The following HIF3A variants were observed in gnomAD, a reference collection of about 807,000 sequenced individuals.
HIF3A encodes hypoxia inducible factor 3 subunit alpha.
HIF3A carries 41 observed loss-of-function variants against 67.2 expected under a neutral mutation model. The observed-to-expected ratio is 0.61, with a 90% CI of 0.48 to 0.79. The LOEUF is 0.79. Among genes scored for constraint, HIF3A ranks in the 30% least tolerant of loss-of-function variants. HIF3A has a pLI of 0.00. For missense variants in HIF3A, 855 were observed against 898.0 expected (o/e 0.95, Z 0.61); for synonymous variants, 356 against 374.8 (o/e 0.95, Z 0.58).
chr19:46,319,985 T>A (rs548854843), intron 8 of HIF3A, among the ~76,000 whole-genome samples: 1 of 152,294 alleles, frequency 6.6e-6, no homozygotes, highest in Non-Finnish European at 1.5e-5. Context: ...ATCATAGCAC[T>A]TTGGGAGGCT....
Position 46,340,093 on chromosome 19 carries a change from A to C in HIF3A, c.*471A>C, listed in dbSNP as rs2147339893. On this transcript the variant is annotated 3_prime_UTR_variant, in exon 15 of 15. Transcript: ENST00000377670. Reference sequence around the variant, plus strand: ...TTGTCAATTTCATGATATGGTTTTTAATCATGATGAATTGCCTGGGGTCTG... The same window carrying C: ...TTGTCAATTTCATGATATGGTTTTTCATCATGATGAATTGCCTGGGGTCTG... 1 of 152,904 alleles carries C rather than the reference A, an allele frequency of 6.5e-6. No individual in the cohort carries two copies. The highest frequency in any genetic ancestry group is 2.1e-4 in the South Asian group (1 of 4,836). 9.5% of individuals were successfully genotyped at this position (152,904 alleles called of 1,614,324 possible).
chr19:46,334,936 G>A lies in HIF3A; in HGVS notation c.1862G>A (p.Gly621Glu). Residue 621 changes from glycine to glutamate, a missense_variant, in exon 14 of 15, where the codon GGG becomes GAG. By Grantham distance (98) the Gly-to-Glu change is moderately conservative. This residue lies in a region of HIF3A where 199 missense variants were observed against 193.8 expected (regional missense o/e 1.03). Transcript: ENST00000377670. The part of the protein sequence containing the change: ...SFLLTGGPAP[G>E]SLQDPSTPLL... ...CTTCTGACAGGAGGACCAGCCCCAG[G>A]GAGCCTGCAGGACCCCAGCACCCCA... 1.2e-6 allele frequency: 2 copies of A among 1,609,420 alleles called. No homozygotes were observed. Among genetic ancestry groups the A allele is most frequent in the Non-Finnish European group, 1.7e-6 (2 of 1,177,976 alleles).
intron 2 of HIF3A, 65 bp downstream of exon 2, chr19:46,304,153 C>T: frequency 7.1e-7 from 1 of 1,410,802 alleles, no homozygotes; most frequent in Non-Finnish European, 9.6e-7. Flanking sequence ...AACTACATCC[C>T]AGGGAGGCCC....
At chr19:46,322,274 T>C (rs1970428787) in intron 10 of HIF3A, among the ~76,000 whole-genome samples, 1 of 152,046 alleles carries the variant, frequency 6.6e-6, no homozygotes, top group African/African-American at 2.4e-5. Context: ...GGGCAGTTTT[T>C]CCCACACACC....
At chr19:46,325,502 A>G (rs1310014242) in intron 10 of HIF3A, 33 bp from the exon 11 acceptor site, 3 of 1,506,600 alleles carry the variant, frequency 2.0e-6, no homozygotes, top group African/African-American at 2.8e-5. Flanking sequence ...CAGGCTCAAG[A>G]TTTCCTGAAG....
intron 12 of HIF3A, among the ~76,000 whole-genome samples, chr19:46,330,677 AGATG>A (rs1971143501): frequency 6.7e-6 from 1 of 149,086 alleles, no homozygotes; most frequent in African/African-American, 2.5e-5. Flanking sequence ...GATGGATGGC[AGATG>A]GATGGATGGA....
chr19:46,339,675 C>A lies in HIF3A; in HGVS notation c.*53C>A. 1 of 1,336,380 alleles carries A rather than the reference C, an allele frequency of 7.5e-7. No homozygotes were observed. The highest frequency in any genetic ancestry group is 1.0e-6 in the Non-Finnish European group (1 of 963,302). The allele number at this position is 1,336,380 out of a possible 1,614,324, so 82.8% of individuals were successfully genotyped here. On this transcript the variant is annotated 3_prime_UTR_variant, in exon 15 of 15. Transcript: ENST00000377670. ...CCTCCCCCAGAAAGGACCTCAACCA[C>A]ACTCCACGCCGGCAGCCAACGCACA... is the stretch of plus-strand genomic sequence containing the variant.
intron 8 of HIF3A, among the ~76,000 whole-genome samples, chr19:46,314,925 G>A (rs1316326244): frequency 1.4e-5 from 2 of 146,836 alleles, no homozygotes; most frequent in Admixed American, 7.3e-5. Context: ...CCATGTCCCT[G>A]GCAACCACTG....
chr19:46,305,117 C>G (rs1169706798), intron 2 of HIF3A, 128 bp from the exon 3 acceptor site: 1 of 1,330,894 alleles, frequency 7.5e-7, no homozygotes, highest in Non-Finnish European at 1.1e-6. Context: ...GATGTACCCC[C>G]ACTTCCTTGG....
chr19:46,305,412 G>C, intron 3 of HIF3A, 22 bp downstream of exon 3: 1 of 1,611,702 alleles, frequency 6.2e-7, no homozygotes, highest in Non-Finnish European at 8.5e-7. Context: ...TCCTTGCTCT[G>C]TGCCTGGCCC....
At chr19:46,309,492 C>T (rs1969239350) in intron 6 of HIF3A, 133 bp downstream of exon 6, 2 of 619,746 alleles carry the variant, frequency 3.2e-6, no homozygotes, top group Non-Finnish European at 2.8e-6. Flanking sequence ...TCTTTGTGTG[C>T]CTGCCTGTCT....
intron 3 of HIF3A, chr19:46,306,425 A>G (rs1245143787): frequency 6.6e-6 from 1 of 152,182 alleles, no homozygotes; most frequent in Non-Finnish European, 1.5e-5. Flanking sequence ...TGGGGATGGA[A>G]AGATAGGAAC....
Position 46,308,780 on chromosome 19 carries a change from G to C in HIF3A, c.561+5G>C. The C allele has an allele frequency of 6.3e-7, 1 of 1,576,902 alleles. No homozygotes were observed. The highest frequency in any genetic ancestry group is 8.7e-7 in the Non-Finnish European group (1 of 1,154,712). On this transcript the variant is annotated splice_donor_5th_base_variant and intron_variant, in intron 5 of 14. Transcript: ENST00000377670. ...CTCAAGGCGGCCACCTGGAAGGTGC[G>C]TGGGGCCGGGCCAGAGGAGGGCGGG...
In HIF3A at chr19:46,311,825, C is replaced by T. The variant is rs545738203; in HGVS notation, c.771-336C>T. Among the ~76,000 whole-genome samples, 4 of 152,290 alleles carry T rather than the reference C, an allele frequency of 2.6e-5. No homozygotes were observed. In the East Asian group the frequency reaches 7.7e-4, roughly 29 times the overall value. On this transcript the variant is annotated intron_variant, in intron 6 of 14. Coordinates refer to ENST00000377670, the MANE Select transcript of HIF3A (RefSeq NM_152795.4). ...GTGGTGAGCCATGATTGAACCACTG[C>T]ACTCTAGTCTGCGTGACAGAGCGAG... is the stretch of plus-strand genomic sequence containing the variant.
chr19:46,340,491 C>T lies in HIF3A; in HGVS notation c.*869C>T. 1 of 155,564 alleles carries T rather than the reference C, an allele frequency of 6.4e-6. No homozygotes were observed. Among genetic ancestry groups the T allele is most frequent in the Non-Finnish European group, 1.4e-5 (1 of 70,454 alleles). The allele number at this position is 155,564 out of a possible 1,614,324, so 9.6% of individuals were successfully genotyped here. On this transcript the variant is annotated 3_prime_UTR_variant, in exon 15 of 15. Coordinates refer to ENST00000377670, the MANE Select transcript of HIF3A (RefSeq NM_152795.4). ...CTTCCTCTTCCTCTTCCTCCTGCTC[C>T]TCTTCCTCTTCTTCTTCTTTTTTTT...
rs369984715 is a variant in HIF3A at position 46,321,739 on chromosome 19, C to T, written c.1145-37C>T. On this transcript the variant is annotated intron_variant, in intron 9 of 14. Transcript: ENST00000377670. ...GGCTCTGGCCCTTGGCCCTCAGTCA[C>T]CAGCCCGTGTCCTCCCCATCTCCAT... 2.5e-5 allele frequency: 39 copies of T among 1,591,068 alleles called. No individual in the cohort carries two copies. In the African/African-American group the frequency reaches 4.4e-4, roughly 18 times the overall value.
chr19:46,305,309 G>T lies in HIF3A; in HGVS notation c.282G>T (p.Glu94Asp), dbSNP rs1175264325. Reference sequence around the variant, plus strand: ...ATGCCTGCTACCTGAAGGCCCTGGAGGGCTTCGTCATGGTGCTCACCGCCG... The same window carrying T: ...ATGCCTGCTACCTGAAGGCCCTGGATGGCTTCGTCATGGTGCTCACCGCCG... ...PLDACYLKAL[E>D]GFVMVLTAEG... The change falls in exon 3 of 15, where the codon GAG becomes GAT. Residue 94 changes from glutamate to aspartate, a missense_variant. Physicochemically the swap from Glu to Asp is conservative, Grantham distance 45 (BLOSUM62 2). Transcript: ENST00000377670. 1 of 1,614,024 alleles carries T rather than the reference G, an allele frequency of 6.2e-7. No homozygotes were observed. The highest frequency in any genetic ancestry group is 8.5e-7 in the Non-Finnish European group (1 of 1,180,044).
intron 1 of HIF3A, chr19:46,303,623 C>G (rs1412671747): frequency 6.4e-7 from 1 of 1,571,214 alleles, no homozygotes; most frequent in Admixed American, 2.0e-5. Context: ...GGGGACAGAG[C>G]GGCCCTAGGC....
intron 6 of HIF3A, chr19:46,310,757 G>GTTTTTTTTTTTTTTTTTTT (rs1568512415): frequency 3.1e-6 from 1 of 324,638 alleles, no homozygotes; most frequent in African/African-American, 2.2e-5. Context: ...ATTACTTTTT[G>GTTTTTTTTTTTTTTTTTTT]TTGTTGTTGT....
Sources: allele counts gnomAD v4.1 joint callset (sites outside exome capture counted in the v4.1 genomes callset), GRCh38; gene constraint gnomAD v4.1.1; regional missense constraint gnomAD v4.1.1; transcripts MANE v1.5; gene names NCBI Gene and HGNC (gene_info 2026-07-23, HGNC 2026-07-21).